Variants in GRAMD4 observed in about 807,000 individuals in gnomAD.
The protein encoded by GRAMD4 is GRAM domain-containing protein 4.
In GRAMD4, 25 loss-of-function variants were observed where a neutral mutation model predicts 83.9. The observed-to-expected ratio is 0.30, with a 90% CI of 0.22 to 0.42. GRAMD4 has a LOEUF of 0.42. GRAMD4 is among the 10% of genes least tolerant of loss of function. The probability of loss-of-function intolerance (pLI) is 1.00; values close to 1 mark genes in which losing one functional copy is unlikely to be tolerated. For missense variants in GRAMD4, 593 were observed against 788.7 expected (o/e 0.75, Z 2.97); for synonymous variants, 336 against 320.9 (o/e 1.05, Z -0.50).
intron 2 of GRAMD4, among the ~76,000 whole-genome samples, chr22:46,634,866 C>G (rs1324862858): frequency 6.6e-6 from 1 of 151,816 alleles, no homozygotes; most frequent in Non-Finnish European, 1.5e-5. Flanking sequence ...TCGCTTGAAC[C>G]TGGGAGGTAG....
upstream of GRAMD4, among the ~76,000 whole-genome samples, chr22:46,615,940 G>T (rs1396713082): frequency 2.2e-5 from 2 of 91,846 alleles, no homozygotes; most frequent in African/African-American, 4.2e-5. Flanking sequence ...CTGTGCGTGT[G>T]GGTTCCCCCA....
intron 2 of GRAMD4, among the ~76,000 whole-genome samples, chr22:46,631,009 C>T (rs541081728): frequency 3.3e-5 from 5 of 152,290 alleles, no homozygotes; most frequent in South Asian, 4.2e-4. Context: ...CCGGCCTCCA[C>T]GCTGTTCTCA....
chr22:46,624,356 CG>C (rs1261892396), intron 1 of GRAMD4, among the ~76,000 whole-genome samples: 3 of 76,622 alleles, frequency 3.9e-5, no homozygotes, highest in Admixed American at 3.6e-4. Context: ...TTTTCTGAGA[CG>C]GAGTCTCACT....
chr22:46,680,691 C>G (rs1569313630), downstream of GRAMD4, among the ~76,000 whole-genome samples: 1 of 110,120 alleles, frequency 9.1e-6, no homozygotes, highest in Non-Finnish European at 1.9e-5. Context: ...CCCACCTATT[C>G]ATCCACCCAT....
At chr22:46,656,018 G>T (rs1475246522) in intron 3 of GRAMD4, among the ~76,000 whole-genome samples, 1 of 152,098 alleles carries the variant, frequency 6.6e-6, no homozygotes, top group Non-Finnish European at 1.5e-5. Context: ...AGCCTGATGA[G>T]ACTGGGCAGC....
At chr22:46,620,221 A>G (rs1390167918), upstream of GRAMD4, 1 of 742,930 alleles carries the variant, frequency 1.3e-6, no homozygotes, top group African/African-American at 1.9e-5. The surrounding 1 kb of genome is among the most constrained non-coding windows in gnomAD (Gnocchi z 4.7). Flanking sequence ...TCCAGAAGCA[A>G]TTCAGCGGTT....
At chr22:46,654,311 A>C (rs913035363) in intron 3 of GRAMD4, among the ~76,000 whole-genome samples, 1 of 152,186 alleles carries the variant, frequency 6.6e-6, no homozygotes, top group Admixed American at 6.5e-5. Flanking sequence ...CAAGGGCTTC[A>C]GGGCCAGCCC....
At chr22:46,589,864 CCCCT>C (rs1476844600) in intron 1 of GRAMD4, among the ~76,000 whole-genome samples, 1 of 152,180 alleles carries the variant, frequency 6.6e-6, no homozygotes, top group Non-Finnish European at 1.5e-5. Context: ...CTGACTGCCT[CCCCT>C]CCCTCAGCCC....
At chr22:46,583,760 A>G (rs5768989) in intron 1 of GRAMD4, among the ~76,000 whole-genome samples, 136,447 of 152,198 alleles carry the variant, frequency 0.9, 61,874 homozygotes, top group East Asian at 1. Flanking sequence ...GCCCGCGGCT[A>G]CTGGTGCTGA....
intron 1 of GRAMD4, among the ~76,000 whole-genome samples, chr22:46,604,391 A>G (rs1365849238): frequency 6.6e-6 from 1 of 152,218 alleles, no homozygotes; most frequent in Non-Finnish European, 1.5e-5. Context: ...AAATTGTGGT[A>G]AAATAGACAT....
intron 2 of GRAMD4, among the ~76,000 whole-genome samples, chr22:46,629,508 G>T (rs531344189): frequency 3.3e-5 from 5 of 152,108 alleles, no homozygotes; most frequent in African/African-American, 9.7e-5. Context: ...CCCCCGGGGT[G>T]GGGGGCTGTG....
chr22:46,583,190 C>T (rs895426806), intron 1 of GRAMD4, among the ~76,000 whole-genome samples: 1 of 152,200 alleles, frequency 6.6e-6, no homozygotes, highest in Non-Finnish European at 1.5e-5. Flanking sequence ...TCTCAAAGTG[C>T]TGGGATTACA....
rs202044209 is a variant in GRAMD4 at position 46,668,643 on chromosome 22, G to A, written c.931-46G>A. 2.0e-5 allele frequency: 31 copies of A among 1,582,524 alleles called. No homozygotes were observed. The East Asian group carries it at 6.7e-4, about 34-fold the overall frequency. On this transcript the variant is annotated intron_variant, in intron 11 of 18. Transcript: ENST00000406902. ...TCCTGGCGTCGCGGTGTGACTGACA[G>A]CCCAGGAGCGGGGGCTGTTGTAATT...
intron 3 of GRAMD4, among the ~76,000 whole-genome samples, chr22:46,639,247 C>T (rs868206342): frequency 1.4e-5 from 2 of 148,056 alleles, no homozygotes; most frequent in South Asian, 2.1e-4. Context: ...AGTAGTTAAC[C>T]GTGTGTATGT....
chr22:46,613,255 G>A (rs892882787), intron 1 of GRAMD4, among the ~76,000 whole-genome samples: 2 of 152,222 alleles, frequency 1.3e-5, no homozygotes, highest in African/African-American at 2.4e-5. Context: ...GCCCCTGTCC[G>A]AGGTCACACA....
downstream of GRAMD4, among the ~76,000 whole-genome samples, chr22:46,680,805 CCCATCCATCCATCCATCCAT>C (rs751195568): frequency 1.8e-4 from 10 of 55,872 alleles, no homozygotes; most frequent in African/African-American, 6.5e-4. Flanking sequence ...CATTCACCTA[CCCATCCATCCATCCATCCAT>C]CCATCCATCC....
intron 13 of GRAMD4, 60 bp downstream of exon 13, chr22:46,668,968 C>A: frequency 1.1e-6 from 1 of 924,636 alleles, no homozygotes; most frequent in South Asian, 1.3e-5. Flanking sequence ...GTCCGCATGC[C>A]ACCAGTGTCT....
chr22:46,637,491 G>A (rs966834618), intron 2 of GRAMD4, among the ~76,000 whole-genome samples: 4 of 152,156 alleles, frequency 2.6e-5, no homozygotes, highest in Non-Finnish European at 4.4e-5. Context: ...CACCTGCCTC[G>A]GCCTCCCAAA....
chr22:46,643,176 C>G (rs2082010541), intron 3 of GRAMD4, among the ~76,000 whole-genome samples: 3 of 140,438 alleles, frequency 2.1e-5, no homozygotes, highest in Non-Finnish European at 3.1e-5. Flanking sequence ...TCCATCCATC[C>G]ATCCATCCAT....
Sources: allele counts gnomAD v4.1 joint callset (sites outside exome capture counted in the v4.1 genomes callset), GRCh38; gene constraint gnomAD v4.1.1; non-coding constraint Gnocchi (gnomAD v3.1); transcripts MANE v1.5; gene names NCBI Gene and HGNC (gene_info 2026-07-23, HGNC 2026-07-21).